CDH8: variants seen among roughly 807,000 people sequenced by gnomAD.
CDH8 encodes the protein cadherin 8.
Under a neutral mutation model 68.1 loss-of-function variants are expected in CDH8, and 17 were observed. The observed-to-expected ratio is 0.25, with a 90% CI of 0.17 to 0.37. CDH8 has a LOEUF of 0.37. CDH8 is among the 10% of genes least tolerant of loss of function. CDH8 has a pLI of 1.00. For missense variants in CDH8, 763 were observed against 999.3 expected (o/e 0.76, Z 3.19); for synonymous variants, 372 against 365.1 (o/e 1.02, Z -0.21).
At chr16:62,011,166 G>T (rs531651411) in intron 2 of CDH8, among the ~76,000 whole-genome samples, 1 of 152,228 alleles carries the variant, frequency 6.6e-6, no homozygotes, top group Non-Finnish European at 1.5e-5. Context: ...AGGCTCATTT[G>T]TATTTTGCTA....
intron 8 of CDH8, among the ~76,000 whole-genome samples, chr16:61,750,956 C>A (rs1484032378): frequency 6.6e-6 from 1 of 151,758 alleles, no homozygotes; most frequent in Middle Eastern, 3.2e-3. Context: ...GAATTAATTG[C>A]CTAATGTATT....
intron 3 of CDH8, among the ~76,000 whole-genome samples, chr16:61,894,859 T>C (rs1035077882): frequency 1.3e-5 from 2 of 152,148 alleles, no homozygotes; most frequent in Non-Finnish European, 2.9e-5. Flanking sequence ...TTTTCAACTA[T>C]ATATTTACCT....
intron 2 of CDH8, among the ~76,000 whole-genome samples, chr16:61,903,568 C>T (rs527262956): frequency 6.6e-6 from 1 of 152,314 alleles, no homozygotes; most frequent in South Asian, 2.1e-4. Context: ...ACCTCGGCCT[C>T]CCAAAGTGCT....
chr16:61,671,372 G>A (rs570477224), intron 10 of CDH8, among the ~76,000 whole-genome samples: 4 of 151,540 alleles, frequency 2.6e-5, no homozygotes, highest in African/African-American at 9.7e-5. Flanking sequence ...AAGCTATTAT[G>A]CTCTGGATTG....
intron 3 of CDH8, among the ~76,000 whole-genome samples, chr16:61,870,737 A>G (rs916291087): frequency 1.3e-5 from 2 of 152,198 alleles, no homozygotes; most frequent in Non-Finnish European, 2.9e-5. Context: ...ACATGTGCCC[A>G]ACATGGTTGG....
chr16:61,843,537 C>G (rs183907327), intron 4 of CDH8, among the ~76,000 whole-genome samples: 1 of 152,156 alleles, frequency 6.6e-6, no homozygotes, highest in Admixed American at 6.5e-5. Flanking sequence ...ACTCTGACTC[C>G]TAAGTTCACA....
At chr16:62,034,653 A>G (rs1196094484) in intron 1 of CDH8, among the ~76,000 whole-genome samples, 1 of 152,030 alleles carries the variant, frequency 6.6e-6, no homozygotes, top group Non-Finnish European at 1.5e-5. Context: ...AAAGCAGCTG[A>G]TCTGATTAGC....
intron 10 of CDH8, chr16:61,692,153 G>A (rs1373672425): frequency 4.6e-5 from 7 of 152,038 alleles, no homozygotes; most frequent in Admixed American, 2.0e-4. Context: ...TCTATCTAGA[G>A]AAAAAATACA....
At chr16:61,963,345 T>C (rs1567548029) in intron 2 of CDH8, among the ~76,000 whole-genome samples, 1 of 152,244 alleles carries the variant, frequency 6.6e-6, no homozygotes. Flanking sequence ...CCATTCCATC[T>C]ACAACATTTT....
chr16:61,985,164 T>A (rs1355890743), intron 2 of CDH8, among the ~76,000 whole-genome samples: 1 of 152,042 alleles, frequency 6.6e-6, no homozygotes, highest in Non-Finnish European at 1.5e-5. Context: ...CTATATCCTC[T>A]GTAGATGGTA....
chr16:61,944,862 T>A (rs1322034463), intron 2 of CDH8, among the ~76,000 whole-genome samples: 3 of 152,108 alleles, frequency 2.0e-5, no homozygotes, highest in Non-Finnish European at 4.4e-5. Flanking sequence ...AGTTCAAGGA[T>A]GTCTGTCAAT....
At chr16:61,696,543 A>C (rs574609781) in intron 10 of CDH8, among the ~76,000 whole-genome samples, 2 of 152,316 alleles carry the variant, frequency 1.3e-5, no homozygotes, top group African/African-American at 4.8e-5. Context: ...TGTGTAAATA[A>C]GTCTGGAGAT....
chr16:61,696,713 T>C (rs1331865009), intron 10 of CDH8, among the ~76,000 whole-genome samples: 2 of 152,138 alleles, frequency 1.3e-5, no homozygotes, highest in Non-Finnish European at 2.9e-5. Flanking sequence ...AATGATAGAC[T>C]AGGTAAAGAA....
chr16:62,035,186 T>C (rs1902425152), intron 1 of CDH8: 1 of 152,174 alleles, frequency 6.6e-6, no homozygotes, highest in Admixed American at 6.5e-5. Flanking sequence ...TCTTACGTAC[T>C]GGCAGAACCT....
chr16:61,858,530 G>A (rs1397901521), intron 3 of CDH8, among the ~76,000 whole-genome samples: 2 of 152,200 alleles, frequency 1.3e-5, no homozygotes, highest in Non-Finnish European at 2.9e-5. Flanking sequence ...GAATAAATGG[G>A]TGAGTGAATA....
intron 6 of CDH8, among the ~76,000 whole-genome samples, chr16:61,819,579 G>C (rs1381046408): frequency 2.6e-5 from 4 of 152,034 alleles, no homozygotes. Context: ...GCTCAACAGA[G>C]AGTTAAAATA....
chr16:61,798,628 G>A (rs1404199682), intron 7 of CDH8, among the ~76,000 whole-genome samples: 1 of 152,132 alleles, frequency 6.6e-6, no homozygotes, highest in Non-Finnish European at 1.5e-5. Context: ...CAGCTGTGTG[G>A]AGATCAAAGG....
intron 9 of CDH8, 110 bp downstream of exon 9, chr16:61,726,984 G>T: frequency 8.6e-7 from 1 of 1,166,428 alleles, no homozygotes; most frequent in Non-Finnish European, 1.2e-6. Context: ...TTTCTTGCCT[G>T]AGACTTTGCA....
chr16:61,779,464 T>TGTGCGC (rs796315669), intron 8 of CDH8, among the ~76,000 whole-genome samples: 39 of 141,538 alleles, frequency 2.8e-4, no homozygotes, highest in African/African-American at 9.0e-4. Context: ...TGTGTGTGTG[T>TGTGCGC]GCGCGCATGG....
Sources: allele counts gnomAD v4.1 joint callset (sites outside exome capture counted in the v4.1 genomes callset), GRCh38; gene constraint gnomAD v4.1.1; transcripts MANE v1.5; gene names NCBI Gene and HGNC (gene_info 2026-07-23, HGNC 2026-07-21).